EPS15L1: variants seen among roughly 807,000 people sequenced by gnomAD.
The protein encoded by EPS15L1 is epidermal growth factor receptor pathway substrate 15 like 1, also known as epidermal growth factor receptor substrate 15-like 1.
A neutral mutation model predicts 117.1 loss-of-function variants in EPS15L1; 43 were observed. The observed-to-expected ratio is 0.37, with a 90% CI of 0.29 to 0.47. The LOEUF (loss-of-function observed/expected upper bound fraction) is 0.47, where lower values mean the gene tolerates loss of function less well. EPS15L1 is among the 20% of genes least tolerant of loss of function. The pLI is 0.99. For missense variants in EPS15L1, 981 were observed against 1,164.0 expected, an observed-to-expected ratio of 0.84 and a Z score of 2.29; for synonymous variants, 459 against 470.5, an observed-to-expected ratio of 0.98 and a Z score of 0.32.
intron 8 of EPS15L1, among the ~76,000 whole-genome samples, chr19:16,425,696 T>A (rs2092864725): frequency 6.6e-6 from 1 of 152,110 alleles, no homozygotes; most frequent in Non-Finnish European, 1.5e-5. Context: ...TCCCAGCTAC[T>A]TGGGAGGCTG....
At chr19:16,378,592 G>A (rs558476696) in intron 21 of EPS15L1, among the ~76,000 whole-genome samples, 16 of 152,088 alleles carry the variant, frequency 1.1e-4, no homozygotes, top group Admixed American at 2.6e-4. Flanking sequence ...TCTCCCACCT[G>A]GAGGGCAAGC....
intron 22 of EPS15L1, among the ~76,000 whole-genome samples, chr19:16,366,674 T>G (rs2092137495): frequency 6.6e-6 from 1 of 152,142 alleles, no homozygotes; most frequent in Non-Finnish European, 1.5e-5. Flanking sequence ...CAGTTGTTAG[T>G]GTTTGTGCTT....
chr19:16,446,102 A>G (rs2093080714), intron 1 of EPS15L1, among the ~76,000 whole-genome samples: 1 of 152,224 alleles, frequency 6.6e-6, no homozygotes, highest in Admixed American at 6.5e-5. Flanking sequence ...AGAGGGGCAC[A>G]AGGAGAAGGA....
intron 13 of EPS15L1, among the ~76,000 whole-genome samples, chr19:16,407,595 G>A (rs538381040): frequency 6.6e-6 from 1 of 152,206 alleles, no homozygotes; most frequent in South Asian, 2.1e-4. Flanking sequence ...CAAAGTGCTG[G>A]GATTATAGGT....
chr19:16,423,524 T>C (rs2092837875), intron 9 of EPS15L1, among the ~76,000 whole-genome samples: 1 of 152,122 alleles, frequency 6.6e-6, no homozygotes, highest in African/African-American at 2.4e-5. Context: ...GAGCCGTGAT[T>C]GCACCACTGC....
At chr19:16,362,189 C>T (rs1395853788) in intron 22 of EPS15L1, among the ~76,000 whole-genome samples, 1 of 152,116 alleles carries the variant, frequency 6.6e-6, no homozygotes, top group African/African-American at 2.4e-5. Flanking sequence ...GTGAACAACA[C>T]AGGAAAAACA....
At chr19:16,403,997 G>A in intron 14 of EPS15L1, 67 bp from the exon 15 acceptor site, 1 of 1,427,466 alleles carries the variant, frequency 7.0e-7, no homozygotes, top group Non-Finnish European at 9.7e-7. Flanking sequence ...CTCCGAGAAA[G>A]AACTCTTAGC....
intron 8 of EPS15L1, among the ~76,000 whole-genome samples, chr19:16,427,132 A>G (rs1382316333): frequency 6.6e-6 from 1 of 152,140 alleles, no homozygotes; most frequent in East Asian, 1.9e-4. Flanking sequence ...AATGTAGGAA[A>G]TTAGTGACAC....
At chr19:16,384,334 C>G (rs1462874414) in intron 21 of EPS15L1, 1 of 152,340 alleles carries the variant, frequency 6.6e-6, no homozygotes, top group Non-Finnish European at 1.5e-5. Context: ...CAAGGAAGCA[C>G]AATGGTGCCG....
chr19:16,428,235 A>G lies in EPS15L1; in HGVS notation c.558+467T>C, dbSNP rs539528701. Among the ~76,000 whole-genome samples, 151 of 149,830 alleles carry G rather than the reference A, an allele frequency of 1.0e-3. 1 individual carries two copies. The highest frequency in any genetic ancestry group is 6.8e-3 in the South Asian group (32 of 4,730). On this transcript the variant is annotated intron_variant, in intron 8 of 23. Coordinates refer to ENST00000455140, the MANE Select transcript of EPS15L1 (RefSeq NM_001258374.3). The stretch of plus-strand genomic sequence containing the variant: ...AAGAAAGAAAGAAAGAAAGAAGGCC[A>G]GGCACAGTGGCTCACGCCTGTAATC...
chr19:16,399,681 G>T (rs933247524), intron 16 of EPS15L1, among the ~76,000 whole-genome samples: 21 of 139,528 alleles, frequency 1.5e-4, no homozygotes, highest in South Asian at 6.9e-4. Context: ...GCTTTTTGGG[G>T]TTTTTTTTTT....
At chr19:16,393,797 G>C (rs2092509939) in intron 18 of EPS15L1, among the ~76,000 whole-genome samples, 154 bp downstream of exon 18, 1 of 152,146 alleles carries the variant, frequency 6.6e-6, no homozygotes, top group African/African-American at 2.4e-5. Context: ...AAGGGAACGG[G>C]ACCGAGAATG....
chr19:16,380,048 A>C (rs897791), intron 21 of EPS15L1, among the ~76,000 whole-genome samples: 1 of 152,134 alleles, frequency 6.6e-6, no homozygotes, highest in Non-Finnish European at 1.5e-5. Context: ...AGCCAGCTAA[A>C]GCTCCAGTGT....
At chr19:16,373,852 C>T (rs770573041) in intron 22 of EPS15L1, among the ~76,000 whole-genome samples, 2 of 152,174 alleles carry the variant, frequency 1.3e-5, no homozygotes, top group Admixed American at 6.5e-5. Context: ...GAGGTTAGTA[C>T]GGAATCACAG....
chr19:16,363,778 C>A (rs891506729), intron 22 of EPS15L1, among the ~76,000 whole-genome samples: 4 of 152,268 alleles, frequency 2.6e-5, no homozygotes, highest in African/African-American at 9.6e-5. Context: ...CCGTAGCCCC[C>A]CCTTGCCTGT....
chr19:16,457,796 A>C (rs1327170842), intron 1 of EPS15L1, among the ~76,000 whole-genome samples: 1 of 151,824 alleles, frequency 6.6e-6, no homozygotes, highest in Non-Finnish European at 1.5e-5. Context: ...ATTCAGTTCC[A>C]TCTGTTTCCT....
intron 1 of EPS15L1, among the ~76,000 whole-genome samples, chr19:16,464,677 A>G (rs992504176): frequency 6.6e-6 from 1 of 152,122 alleles, no homozygotes; most frequent in African/African-American, 2.4e-5. Context: ...GGGGTGTCCA[A>G]TCTTTTGGCT....
rs1249123745 is a variant in EPS15L1 at position 16,383,432 on chromosome 19, G to A, written c.2247+1697C>T. 2 of 152,296 alleles carry A rather than the reference G, an allele frequency of 1.3e-5. No individual in the cohort carries two copies. Among genetic ancestry groups the A allele is most frequent in the Non-Finnish European group, 2.9e-5 (2 of 68,102 alleles). The allele number at this position is 152,296 out of a possible 1,614,324, so 9.4% of individuals were successfully genotyped here. A position where few individuals can be genotyped will look rare whatever the true frequency, so the allele number is the denominator to read the frequency against. ...ACAACCAGAAACGACCAGGACGCCT[G>A]AGGGACTGCTGCCACCGTGTGGCCA... On this transcript the variant is annotated intron_variant, in intron 21 of 23. Coordinates refer to ENST00000455140, the MANE Select transcript of EPS15L1 (RefSeq NM_001258374.3). This position sits in a 1 kb window ranked among gnomAD's most constrained non-coding sequence, Gnocchi z 5.2.
chr19:16,433,097 C>T lies in EPS15L1; in HGVS notation c.498+1268G>A, dbSNP rs543766399. Among the ~76,000 whole-genome samples the T allele has an allele frequency of 9.9e-5, 15 of 152,024 alleles. 1 individual carries two copies. Among genetic ancestry groups the T allele is most frequent in the African/African-American group, 2.9e-4 (12 of 41,474 alleles). On this transcript the variant is annotated intron_variant, in intron 7 of 23. Transcript: ENST00000455140. ...AAGTGCTGGGATTACAGGCATGAGC[C>T]GCCACACCAGCCTAAATTGAGGGTT...
Sources: gnomAD v4.1 joint callset for allele counts (sites outside exome capture counted in the v4.1 genomes callset) on GRCh38, gnomAD v4.1.1 for gene constraint, Gnocchi (gnomAD v3.1) non-coding constraint, MANE v1.5 for transcripts, NCBI Gene and HGNC (gene_info 2026-07-23, HGNC 2026-07-21) for gene names.